Variants in MRPS6 observed in about 807,000 individuals in gnomAD.
MRPS6 encodes the protein small ribosomal subunit protein bS6m.
In MRPS6, 6 loss-of-function variants were observed where a neutral mutation model predicts 13.1. The ratio of observed to expected loss-of-function variants is 0.46; its 90% CI spans 0.25 to 0.91. MRPS6 has a LOEUF of 0.91. MRPS6 is among the 40% of genes least tolerant of loss of function. The pLI is 0.18. For missense variants in MRPS6, 164 were observed against 155.6 expected (o/e 1.05, Z -0.29); for synonymous variants, 61 against 56.5 (o/e 1.08, Z -0.36).
intron 1 of MRPS6, among the ~76,000 whole-genome samples, chr21:34,109,784 C>T (rs963681679): frequency 3.3e-5 from 5 of 151,652 alleles, no homozygotes; most frequent in Admixed American, 6.6e-5. Context: ...TGTTTCTTCT[C>T]GTATTCTTGT....
chr21:34,104,537 A>G (rs1220771010), intron 1 of MRPS6: 12 of 997,884 alleles, frequency 1.2e-5, no homozygotes, highest in Non-Finnish European at 1.3e-5. Flanking sequence ...GGTCAACTCT[A>G]ATATATCTAG....
At chr21:34,105,930 C>T (rs1979456340) in intron 1 of MRPS6, 2 of 989,834 alleles carry the variant, frequency 2.0e-6, no homozygotes, top group East Asian at 1.1e-4. Context: ...CTATTGTGTA[C>T]AATCTGATTT....
intron 1 of MRPS6, chr21:34,125,108 C>T (rs770098984): frequency 6.7e-5 from 40 of 596,394 alleles, no homozygotes; most frequent in Non-Finnish European, 9.5e-5. Flanking sequence ...CCTGAACTCT[C>T]CGAAGCCTGG....
At position 34,128,657 on chromosome 21, in the gene MRPS6, A is replaced by G. The variant is rs190625355; in HGVS notation, c.185+3177A>G. ...TGTAAGTCTGTTGTTTATAACTGAG[A>G]ACTTATTTTCCCAGTGGAACAACTT... On this transcript the variant is annotated intron_variant, in intron 2 of 2. Transcript: ENST00000399312. 3.3e-5 allele frequency among the ~76,000 whole-genome samples: 5 copies of G among 152,298 alleles called. No individual in the cohort carries two copies. The East Asian group carries it at 9.6e-4, about 29-fold the overall frequency.
intron 1 of MRPS6, among the ~76,000 whole-genome samples, chr21:34,090,584 GC>G (rs1395210139): frequency 6.6e-6 from 1 of 152,094 alleles, no homozygotes; most frequent in Non-Finnish European, 1.5e-5. Flanking sequence ...AATATGCCTT[GC>G]ACATAGTTGA....
chr21:34,105,766 C>G (rs1979449750), intron 1 of MRPS6: 10 of 995,700 alleles, frequency 1.0e-5, no homozygotes, highest in Non-Finnish European at 1.2e-5. Flanking sequence ...TAAGGTTTGA[C>G]TAATTGTATC....
chr21:34,083,793 A>C (rs1446480936), intron 1 of MRPS6, among the ~76,000 whole-genome samples: 1 of 152,170 alleles, frequency 6.6e-6, no homozygotes, highest in Admixed American at 6.5e-5. Flanking sequence ...AGATTTTGCA[A>C]ATTTTGTGTG....
At position 34,137,931 on chromosome 21, in the gene MRPS6, C is replaced by T. The variant is rs1215614973; in HGVS notation, c.186-4477C>T. On this transcript the variant is annotated intron_variant, in intron 2 of 2. Coordinates refer to ENST00000399312, the MANE Select transcript of MRPS6 (RefSeq NM_032476.4). Reference sequence around the variant, plus strand: ...TTTTTCAAATGTTAAGCCAATCTTGCATTCTTGGGATAAAGCCTGCTTGGT... The same window carrying T: ...TTTTTCAAATGTTAAGCCAATCTTGTATTCTTGGGATAAAGCCTGCTTGGT... 3.3e-5 allele frequency among the ~76,000 whole-genome samples: 5 copies of T among 151,868 alleles called. No individual in the cohort carries two copies. The East Asian group carries it at 5.8e-4, about 18-fold the overall frequency.
intron 1 of MRPS6, among the ~76,000 whole-genome samples, chr21:34,085,758 G>T (rs1300517051): frequency 6.6e-6 from 1 of 151,854 alleles, no homozygotes; most frequent in Non-Finnish European, 1.5e-5. Flanking sequence ...GCCCGCCACC[G>T]CACCCAGCTA....
chr21:34,111,717 G>GCC, intron 1 of MRPS6, among the ~76,000 whole-genome samples: 1 of 152,258 alleles, frequency 6.6e-6, no homozygotes, highest in East Asian at 1.9e-4. Context: ...CCTAGGGCTT[G>GCC]CCCCCTTCCA....
chr21:34,097,491 C>CT, intron 1 of MRPS6: 1 of 1,431,034 alleles, frequency 7.0e-7, no homozygotes. Flanking sequence ...AGAAAATCAT[C>CT]TAATTACAAG....
At chr21:34,121,411 G>A (rs1980116468) in intron 1 of MRPS6, among the ~76,000 whole-genome samples, 2 of 152,272 alleles carry the variant, frequency 1.3e-5, no homozygotes, top group Middle Eastern at 3.4e-3. Flanking sequence ...ATTCAGGTTT[G>A]TATAACTCAT....
intron 1 of MRPS6, chr21:34,103,560 G>A (rs1189132546): frequency 1.6e-5 from 16 of 1,000,008 alleles, no homozygotes; most frequent in Admixed American, 1.2e-4. Context: ...GAAAGCTAAA[G>A]TCCATAGAAA....
At chr21:34,100,878 T>G (rs894503570) in intron 1 of MRPS6, 13 of 1,000,092 alleles carry the variant, frequency 1.3e-5, no homozygotes, top group African/African-American at 1.7e-5. Flanking sequence ...TATTAGCTAC[T>G]CAGTTACTTG....
At chr21:34,141,570 C>T (rs918150807) in intron 2 of MRPS6, among the ~76,000 whole-genome samples, 6 of 152,162 alleles carry the variant, frequency 3.9e-5, no homozygotes, top group Admixed American at 1.3e-4. Context: ...CAAGCGATGA[C>T]GAAAATTTCA....
At chr21:34,116,753 A>T (rs1000637371) in intron 1 of MRPS6, among the ~76,000 whole-genome samples, 1 of 152,160 alleles carries the variant, frequency 6.6e-6, no homozygotes, top group South Asian at 2.1e-4. Flanking sequence ...TGCTGAAAAC[A>T]TGGAGCAAAC....
chr21:34,090,025 A>G (rs1978602002), intron 1 of MRPS6, among the ~76,000 whole-genome samples: 1 of 152,184 alleles, frequency 6.6e-6, no homozygotes, highest in African/African-American at 2.4e-5. Flanking sequence ...AACATCCCAA[A>G]CCCAAAATGC....
intron 1 of MRPS6, among the ~76,000 whole-genome samples, chr21:34,111,357 C>T (rs113593964): frequency 0.012 from 1,754 of 152,314 alleles, 39 homozygotes; most frequent in South Asian, 0.08. Context: ...AGGCTCATTC[C>T]ACTTTCAGAA....
chr21:34,096,844 A>C lies in MRPS6; in HGVS notation c.45+23099A>C. ...ATTCGAACCACCACCTTTTGGTCTA[A>C]GAAGAACCTGGTGGTGAAGGAGAAC... is the stretch of plus-strand genomic sequence containing the variant. On this transcript the variant is annotated intron_variant, in intron 1 of 2. Transcript: ENST00000399312. The surrounding 1 kb of genome is among the most constrained non-coding windows in gnomAD (Gnocchi z 5.9). The C allele has an allele frequency of 6.2e-7, 1 of 1,614,068 alleles. No homozygotes were observed. The highest frequency in any genetic ancestry group is 8.5e-7 in the Non-Finnish European group (1 of 1,179,972).
Sources: allele counts gnomAD v4.1 joint callset (sites outside exome capture counted in the v4.1 genomes callset), GRCh38; gene constraint gnomAD v4.1.1; non-coding constraint Gnocchi (gnomAD v3.1); transcripts MANE v1.5; gene names NCBI Gene and HGNC (gene_info 2026-07-23, HGNC 2026-07-21).